PTPRG: variants seen among roughly 807,000 people sequenced by gnomAD.
The protein encoded by PTPRG is protein tyrosine phosphatase receptor type G, also known as receptor-type tyrosine-protein phosphatase gamma.
A neutral mutation model predicts 165.3 loss-of-function variants in PTPRG; 102 were observed. That is an observed-to-expected ratio of 0.62 (90% CI 0.53 to 0.73). The LOEUF is 0.73. PTPRG is among the 30% of genes least tolerant of loss of function. The probability of loss-of-function intolerance (pLI) is 0.00; values close to 1 mark genes in which losing one functional copy is unlikely to be tolerated. For missense variants in PTPRG, 1,866 were observed against 1,861.4 expected, an observed-to-expected ratio of 1.00 and a Z score of -0.05; for synonymous variants, 675 against 669.5, an observed-to-expected ratio of 1.01 and a Z score of -0.13.
chr3:62,122,990 G>A (rs2366683), intron 5 of PTPRG, among the ~76,000 whole-genome samples: 110,039 of 151,966 alleles, frequency 0.72, 40,068 homozygotes, highest in Non-Finnish European at 0.76. Context: ...GTTCAATGAC[G>A]TATTCTATTC....
At chr3:61,599,588 G>T (rs1023416327) in intron 1 of PTPRG, among the ~76,000 whole-genome samples, 2 of 151,950 alleles carry the variant, frequency 1.3e-5, no homozygotes, top group Admixed American at 1.3e-4. Flanking sequence ...CATTTCCTGG[G>T]CTCAAGTGGT....
intron 2 of PTPRG, among the ~76,000 whole-genome samples, chr3:61,789,280 T>A (rs2034801593): frequency 6.6e-6 from 1 of 152,102 alleles, no homozygotes; most frequent in South Asian, 2.1e-4. Context: ...TTTAAAATTT[T>A]TTGTAGAGAC....
At chr3:61,799,495 T>C (rs577110016) in intron 2 of PTPRG, among the ~76,000 whole-genome samples, 3 of 152,180 alleles carry the variant, frequency 2.0e-5, no homozygotes, top group Non-Finnish European at 4.4e-5. Context: ...TCTCAGACTT[T>C]CCTTGTTCTT....
chr3:61,893,134 G>A (rs2038262829), intron 2 of PTPRG, among the ~76,000 whole-genome samples: 1 of 152,186 alleles, frequency 6.6e-6, no homozygotes, highest in Non-Finnish European at 1.5e-5. Flanking sequence ...ATGTGTGATA[G>A]TGGAGGAAGT....
At chr3:62,157,923 C>G (rs1704601588) in intron 7 of PTPRG, among the ~76,000 whole-genome samples, 1 of 152,192 alleles carries the variant, frequency 6.6e-6, no homozygotes, top group Non-Finnish European at 1.5e-5. Flanking sequence ...GATGGGTATT[C>G]ACATAGAACA....
intron 1 of PTPRG, among the ~76,000 whole-genome samples, chr3:61,619,989 C>T (rs1376847656): frequency 2.0e-5 from 3 of 152,136 alleles, no homozygotes; most frequent in Non-Finnish European, 4.4e-5. Context: ...ACGCTGAGCT[C>T]TGCCTAATGA....
In PTPRG at chr3:61,744,803, C is replaced by G. The variant is rs545614320; in HGVS notation, c.86-4075C>G. On this transcript the variant is annotated intron_variant, in intron 1 of 29. Coordinates refer to ENST00000474889, the MANE Select transcript of PTPRG (RefSeq NM_002841.4). ...CTGTTCATTTCTGAACAATTGCCTTCCTAAAGAATTGCTTATTGGTTACTC... is the reference window on the plus strand; with the variant it reads ...CTGTTCATTTCTGAACAATTGCCTTGCTAAAGAATTGCTTATTGGTTACTC... Among the ~76,000 whole-genome samples, 24 of 147,396 alleles carry G rather than the reference C, an allele frequency of 1.6e-4. No individual in the cohort carries two copies. In the South Asian group the frequency reaches 5.0e-3, roughly 31 times the overall value.
At chr3:61,707,660 A>T (rs765598114) in intron 1 of PTPRG, among the ~76,000 whole-genome samples, 1 of 151,604 alleles carries the variant, frequency 6.6e-6, no homozygotes, top group Non-Finnish European at 1.5e-5. Flanking sequence ...TGTTAATCTC[A>T]TCCAAAACAC....
chr3:62,238,726 A>G (rs186430548), intron 14 of PTPRG, among the ~76,000 whole-genome samples: 571 of 152,304 alleles, frequency 3.7e-3, no homozygotes, highest in South Asian at 9.1e-3. Flanking sequence ...CCAAAGAGCT[A>G]TGCACTGCTT....
intron 4 of PTPRG, among the ~76,000 whole-genome samples, chr3:62,040,120 G>A (rs931040709): frequency 6.6e-6 from 1 of 152,152 alleles, no homozygotes; most frequent in Non-Finnish European, 1.5e-5. Flanking sequence ...ATAAAATATA[G>A]CATGAGCGTT....
chr3:62,018,120 A>G (rs779033053), intron 4 of PTPRG, among the ~76,000 whole-genome samples: 3 of 152,296 alleles, frequency 2.0e-5, no homozygotes, highest in Non-Finnish European at 2.9e-5. Context: ...TATGCTGAAC[A>G]TTTGGGAGTT....
chr3:62,070,804 C>T lies in PTPRG; in HGVS notation c.520-7359C>T, dbSNP rs976676683. 5.3e-5 allele frequency among the ~76,000 whole-genome samples: 8 copies of T among 152,202 alleles called. No individual in the cohort carries two copies. The South Asian group carries it at 1.5e-3, about 28-fold the overall frequency. ...TTCACTTCACATCTTTATTCTTAGG[C>T]ACCTGTTTCTTGTCCACCACCACGT... is the stretch of plus-strand genomic sequence containing the variant. On this transcript the variant is annotated intron_variant, in intron 4 of 29. Coordinates refer to ENST00000474889, the MANE Select transcript of PTPRG (RefSeq NM_002841.4).
chr3:61,562,296 G>T lies in PTPRG; in HGVS notation c.9G>T (p.Arg3Ser), dbSNP rs754819414. Residue 3 changes from arginine (R) to serine (S), a missense_variant, in exon 1 of 30, where the codon AGG (arginine) becomes AGT (serine). By Grantham distance (110) the Arg-to-Ser change is moderately radical (BLOSUM62 -1). Around this residue, in one of 3 missense-constraint regions of PTPRG, gnomAD observed 408 missense variants for 376.2 expected, o/e 1.08. Coordinates refer to ENST00000474889, the MANE Select transcript of PTPRG (RefSeq NM_002841.4). ...GATGTGCGTTTTCGGACATGCGGAG[G>T]TTACTGGAACCGTGTTGGTGGATTT... MRRLLEPCWWILF... is the reference protein window; with the variant it reads MRSLLEPCWWILF... 6.2e-7 allele frequency: 1 copy of T among 1,613,636 alleles called. No homozygotes were observed. The highest frequency in any genetic ancestry group is 2.2e-5 in the East Asian group (1 of 44,826).
chr3:62,279,796 A>G (rs371355472), intron 26 of PTPRG, among the ~76,000 whole-genome samples: 2 of 152,086 alleles, frequency 1.3e-5, no homozygotes, highest in South Asian at 2.1e-4. Flanking sequence ...TAATGCAACA[A>G]TGTAAGATTA....
chr3:62,152,850 C>T (rs1704386434), intron 6 of PTPRG, among the ~76,000 whole-genome samples: 1 of 152,192 alleles, frequency 6.6e-6, no homozygotes, highest in African/African-American at 2.4e-5. Context: ...CTTCCCACCC[C>T]CAACACTTGT....
chr3:61,620,558 G>A (rs571683501), intron 1 of PTPRG, among the ~76,000 whole-genome samples: 1 of 152,214 alleles, frequency 6.6e-6, no homozygotes, highest in Non-Finnish European at 1.5e-5. Flanking sequence ...TTCCTCGTCC[G>A]GTGAATGGAG....
chr3:61,775,178 C>A (rs2034334829), intron 2 of PTPRG, among the ~76,000 whole-genome samples: 2 of 152,168 alleles, frequency 1.3e-5, no homozygotes, highest in African/African-American at 4.8e-5. Flanking sequence ...TCAATTGATT[C>A]TCCTGCCTTG....
Position 61,888,370 on chromosome 3 carries a change from G to A in PTPRG, c.191-101255G>A, listed in dbSNP as rs552799802. On this transcript the variant is annotated intron_variant, in intron 2 of 29. Coordinates refer to ENST00000474889, the MANE Select transcript of PTPRG (RefSeq NM_002841.4). ...TGTTTTTGAGAGGGGCTCTTCCTCTGTCGCCCAGGCTGGAGTGCAGTGGTG... is the reference window on the plus strand; with the variant it reads ...TGTTTTTGAGAGGGGCTCTTCCTCTATCGCCCAGGCTGGAGTGCAGTGGTG... Among the ~76,000 whole-genome samples, 7 of 151,036 alleles carry A rather than the reference G, an allele frequency of 4.6e-5. No individual in the cohort carries two copies. The South Asian group carries it at 1.5e-3, about 31-fold the overall frequency.
Position 62,245,099 on chromosome 3 carries a change from A to G in PTPRG, c.2467+1201A>G, listed in dbSNP as rs1056776527. Among the ~76,000 whole-genome samples the G allele has an allele frequency of 3.3e-5, 5 of 152,208 alleles. No individual in the cohort carries two copies. The highest frequency in any genetic ancestry group is 7.2e-5 in the African/African-American group (3 of 41,456). On this transcript the variant is annotated intron_variant, in intron 15 of 29. Coordinates refer to ENST00000474889, the MANE Select transcript of PTPRG (RefSeq NM_002841.4). The surrounding 1 kb of genome is among the most constrained non-coding windows in gnomAD (Gnocchi z 4.2). ...CACTAAAACTTGCCACACAGAAACAAGAAGATTAACAGAAAGTCTCTGATT... is the reference window on the plus strand; with the variant it reads ...CACTAAAACTTGCCACACAGAAACAGGAAGATTAACAGAAAGTCTCTGATT...
Sources: allele counts gnomAD v4.1 joint callset (sites outside exome capture counted in the v4.1 genomes callset), GRCh38; gene constraint gnomAD v4.1.1; regional missense constraint gnomAD v4.1.1; non-coding constraint Gnocchi (gnomAD v3.1); transcripts MANE v1.5; gene names NCBI Gene and HGNC (gene_info 2026-07-23, HGNC 2026-07-21).